The following TMEM68 variants were observed in gnomAD, a reference collection of about 807,000 sequenced individuals.
TMEM68 encodes the protein DGAT1/2-independent enzyme synthesizing storage lipids.
A neutral mutation model predicts 36.9 loss-of-function variants in TMEM68; 25 were observed. The observed-to-expected ratio is 0.68, with a 90% confidence interval of 0.49 to 0.95. The LOEUF (loss-of-function observed/expected upper bound fraction) is 0.95, where lower values mean the gene tolerates loss of function less well. TMEM68 is among the 40% of genes least tolerant of loss of function. The pLI is 0.00. For missense variants in TMEM68, 333 were observed against 392.0 expected (o/e 0.85, Z 1.27); for synonymous variants, 131 against 124.4 (o/e 1.05, Z -0.35).
At position 55,758,886 on chromosome 8, in the gene TMEM68, C is replaced by T. The variant is rs187563454; in HGVS notation, c.326-2475G>A. On this transcript the variant is annotated intron_variant, in intron 3 of 7. Transcript: ENST00000434581. ...TGCACAATCAGATTAGGAATTTCAG[C>T]AGAAAGATGGAAACTATAAAAAAAT... 1.5e-3 allele frequency among the ~76,000 whole-genome samples: 221 copies of T among 152,012 alleles called. 1 individual carries two copies. Among genetic ancestry groups the T allele is most frequent in the African/African-American group, 5.1e-3 (213 of 41,464 alleles).
rs1810837795 is a variant in TMEM68, at chr8:55,762,800, A to G, written c.160T>C (p.Leu54=). ...AAGATAGTAAAGTAAGGAAGTATTAAAAGTATTAGTGGTGTAAAAACCCAC... is the reference window on the plus strand; with the variant it reads ...AAGATAGTAAAGTAAGGAAGTATTAGAAGTATTAGTGGTGTAAAAACCCAC... The part of the protein sequence containing the change: ...LLWVFTPLIL[L]ILPYFTIFLL... The change falls in exon 3 of 8, where the codon TTA becomes CTA. Residue 54 remains leucine, a synonymous_variant. Coordinates refer to ENST00000434581, the MANE Select transcript of TMEM68 (RefSeq NM_001286657.2). The G allele has an allele frequency of 1.9e-6, 3 of 1,614,136 alleles. No individual in the cohort carries two copies. Among genetic ancestry groups the G allele is most frequent in the Non-Finnish European group, 2.5e-6 (3 of 1,180,008 alleles).
intron 1 of TMEM68, among the ~76,000 whole-genome samples, chr8:55,771,145 T>C (rs762924244): frequency 1.2e-4 from 17 of 138,974 alleles, no homozygotes; most frequent in African/African-American, 4.2e-4. Flanking sequence ...CAAAAATGAA[T>C]CTCCGTCTCC....
chr8:55,767,857 G>A (rs6999060), intron 1 of TMEM68, among the ~76,000 whole-genome samples: 129,429 of 152,060 alleles, frequency 0.85, 55,349 homozygotes, highest in East Asian at 0.99. Context: ...GAATCGCTTG[G>A]ACCTGGGAGG....
chr8:55,766,373 CTTT>C (rs768070569), intron 1 of TMEM68, among the ~76,000 whole-genome samples: 4 of 113,056 alleles, frequency 3.5e-5, no homozygotes, highest in Admixed American at 9.6e-5. Context: ...TCTATGCACG[CTTT>C]TTTTTTTTTT....
At chr8:55,767,221 GCTTT>G (rs1388990323) in intron 1 of TMEM68, among the ~76,000 whole-genome samples, 1 of 152,040 alleles carries the variant, frequency 6.6e-6, no homozygotes, top group Non-Finnish European at 1.5e-5. Flanking sequence ...TTAGAAGAGT[GCTTT>G]CTACCATATA....
At chr8:55,744,851 C>T (rs1248757337) in intron 6 of TMEM68, among the ~76,000 whole-genome samples, 1 of 152,176 alleles carries the variant, frequency 6.6e-6, no homozygotes, top group African/African-American at 2.4e-5. Flanking sequence ...TGAAGAACTT[C>T]AGTGTGTATA....
rs745924094 is a variant in TMEM68 at position 55,756,382 on chromosome 8, GTAT to G, written c.352_354del (p.Ile118del). ...ATTATAAGTGCTGGTCCATCTTCTG[GTAT>G]TTTTTCCATTCCATGAACTTCATAA... On this transcript the variant is annotated inframe_deletion, in exon 4 of 8. Coordinates refer to ENST00000434581, the MANE Select transcript of TMEM68 (RefSeq NM_001286657.2). The G allele has an allele frequency of 6.3e-7, 1 of 1,583,072 alleles. No individual in the cohort carries two copies. The highest frequency in any genetic ancestry group is 1.2e-5 in the South Asian group (1 of 83,504).
At chr8:55,740,609 T>C (rs1444182512) in intron 7 of TMEM68, among the ~76,000 whole-genome samples, 1 of 152,196 alleles carries the variant, frequency 6.6e-6, no homozygotes, top group Non-Finnish European at 1.5e-5. Context: ...TTGCACATGA[T>C]AAACACTAAA....
intron 1 of TMEM68, among the ~76,000 whole-genome samples, chr8:55,767,999 G>C (rs1434025804): frequency 6.6e-6 from 1 of 152,176 alleles, no homozygotes; most frequent in African/African-American, 2.4e-5. Context: ...AAGTTGGGAA[G>C]ACAATGGCAA....
intron 3 of TMEM68, chr8:55,762,070 C>A (rs1347268334): frequency 3.3e-5 from 5 of 152,094 alleles, no homozygotes; most frequent in Non-Finnish European, 7.4e-5. Context: ...AACCACCAAT[C>A]ATTAAGTATA....
chr8:55,740,198 A>G lies in TMEM68; in HGVS notation c.909T>C (p.Ala303=), dbSNP rs748365354. The change falls in exon 8 of 8, where the codon GCT becomes GCC. Residue 303 remains alanine, a synonymous_variant. Coordinates refer to ENST00000434581, the MANE Select transcript of TMEM68 (RefSeq NM_001286657.2). ...LAEKTKNAVQ[A]LIDKHQRIPG... is the part of the protein sequence containing the mutation. Reference sequence around the variant, plus strand: ...GTATTCTTTGGTGCTTATCAATCAAAGCTTGAACAGCATTCTTCGTCTATT... The same window carrying G: ...GTATTCTTTGGTGCTTATCAATCAAGGCTTGAACAGCATTCTTCGTCTATT... 1.2e-6 allele frequency: 2 copies of G among 1,613,198 alleles called. No homozygotes were observed. The highest frequency in any genetic ancestry group is 2.7e-5 in the African/African-American group (2 of 74,900).
chr8:55,756,222 A>G, intron 4 of TMEM68, 22 bp downstream of exon 4: 5 of 1,587,362 alleles, frequency 3.1e-6, no homozygotes, highest in Non-Finnish European at 4.3e-6. Context: ...TTTTTACATT[A>G]CTATCTACAG....
chr8:55,742,936 C>G (rs1810148659), intron 7 of TMEM68, among the ~76,000 whole-genome samples: 1 of 151,806 alleles, frequency 6.6e-6, no homozygotes, highest in Admixed American at 6.6e-5. Flanking sequence ...TTTACTAAAA[C>G]CTCACCTGCT....
At chr8:55,743,275 A>G (rs764304724) in intron 7 of TMEM68, among the ~76,000 whole-genome samples, 6 of 151,734 alleles carry the variant, frequency 4.0e-5, no homozygotes, top group Non-Finnish European at 7.4e-5. Flanking sequence ...TGTCTGTAGC[A>G]CTCCCCTCAC....
chr8:55,767,911 G>A (rs771618649), intron 1 of TMEM68, among the ~76,000 whole-genome samples: 8 of 152,076 alleles, frequency 5.3e-5, no homozygotes, highest in South Asian at 2.1e-4. Context: ...ACTCCAGCCT[G>A]GGCAACAACA....
intron 3 of TMEM68, among the ~76,000 whole-genome samples, chr8:55,759,048 A>G (rs1242061715): frequency 6.6e-6 from 1 of 152,188 alleles, no homozygotes; most frequent in Non-Finnish European, 1.5e-5. Context: ...GAAGCCATCA[A>G]GTAAGTTACA....
intron 1 of TMEM68, among the ~76,000 whole-genome samples, chr8:55,770,702 T>G (rs1811127830): frequency 6.6e-6 from 1 of 152,042 alleles, no homozygotes; most frequent in South Asian, 2.1e-4. Context: ...CTCTATGTAC[T>G]AGAAGATGTT....
chr8:55,743,333 A>G, intron 7 of TMEM68, 148 bp downstream of exon 7: 1 of 1,036,858 alleles, frequency 9.6e-7, no homozygotes, highest in East Asian at 2.7e-5. Context: ...GGGATTAGCA[A>G]ATGTTCCCTA....
intron 1 of TMEM68, among the ~76,000 whole-genome samples, chr8:55,770,391 G>A (rs1198978991): frequency 6.6e-6 from 1 of 152,160 alleles, no homozygotes; most frequent in Non-Finnish European, 1.5e-5. Flanking sequence ...CAAGAAAAAT[G>A]ACATGGGCCA....
Sources: gnomAD v4.1 joint callset for allele counts (sites outside exome capture counted in the v4.1 genomes callset) on GRCh38, gnomAD v4.1.1 for gene constraint, MANE v1.5 for transcripts, NCBI Gene and HGNC (gene_info 2026-07-23, HGNC 2026-07-21) for gene names.